Variants in ELOVL6 observed in about 807,000 individuals in gnomAD.
ELOVL6 encodes very long chain fatty acid elongase 6.
Under a neutral mutation model 31.7 loss-of-function variants are expected in ELOVL6, and 8 were observed. The ratio of observed to expected loss-of-function variants is 0.25; its 90% CI spans 0.15 to 0.45. The LOEUF (loss-of-function observed/expected upper bound fraction) is 0.45. Ranked by LOEUF, ELOVL6 falls within the 20% of genes least tolerant of loss-of-function variation. The pLI, the probability that ELOVL6 is intolerant of heterozygous loss-of-function variation, is 1.00. For missense variants in ELOVL6, 126 were observed against 326.4 expected (o/e 0.39, Z 4.73); for synonymous variants, 101 against 117.7 (o/e 0.86, Z 0.92).
intron 3 of ELOVL6, among the ~76,000 whole-genome samples, chr4:110,059,274 A>G (rs759993327): frequency 3.3e-5 from 5 of 152,128 alleles, no homozygotes; most frequent in Non-Finnish European, 7.3e-5. Flanking sequence ...TTCTTCCCCC[A>G]TGTTTTAATA....
intron 2 of ELOVL6, among the ~76,000 whole-genome samples, chr4:110,091,720 A>G (rs779611858): frequency 1.3e-5 from 2 of 151,922 alleles, no homozygotes; most frequent in African/African-American, 2.4e-5. Flanking sequence ...TGCTAAGTCA[A>G]TGGTGCTCAT....
upstream of ELOVL6, chr4:110,198,623 C>A: frequency 2.9e-6 from 1 of 350,638 alleles, no homozygotes; most frequent in Non-Finnish European, 5.2e-6. Context: ...AGTGCCCGCA[C>A]GTTTGTCCAT....
At chr4:110,079,867 G>C (rs1755776752) in intron 2 of ELOVL6, among the ~76,000 whole-genome samples, 1 of 152,036 alleles carries the variant, frequency 6.6e-6, no homozygotes, top group African/African-American at 2.4e-5. Context: ...GAAGAAAAGA[G>C]AGAAGAATCA....
At chr4:110,159,490 AAC>A (rs1362257288) in intron 1 of ELOVL6, among the ~76,000 whole-genome samples, 1 of 152,074 alleles carries the variant, frequency 6.6e-6, no homozygotes, top group East Asian at 1.9e-4. Flanking sequence ...AAAGTCAAGT[AAC>A]ACAGGGAGTT....
chr4:110,191,903 C>G (rs577552862), intron 1 of ELOVL6, among the ~76,000 whole-genome samples: 1 of 152,052 alleles, frequency 6.6e-6, no homozygotes, highest in East Asian at 1.9e-4. Context: ...CTGAAAGATT[C>G]CTCTGGCCGG....
At chr4:110,198,062 C>T in intron 1 of ELOVL6, 185 bp downstream of exon 1, 1 of 610,182 alleles carries the variant, frequency 1.6e-6, no homozygotes, top group Non-Finnish European at 2.9e-6. Flanking sequence ...CCACAGACCT[C>T]GCGCTTCATG....
intron 1 of ELOVL6, among the ~76,000 whole-genome samples, chr4:110,145,296 C>T (rs1437227977): frequency 1.3e-5 from 2 of 152,052 alleles, no homozygotes; most frequent in East Asian, 1.9e-4. Flanking sequence ...TGCACTGTTT[C>T]CCAGCCACTC....
chr4:110,095,256 C>T (rs1262966090), intron 2 of ELOVL6, among the ~76,000 whole-genome samples: 2 of 152,012 alleles, frequency 1.3e-5, no homozygotes, highest in Non-Finnish European at 2.9e-5. Context: ...TTGAGGTGGG[C>T]AGATCACCTG....
At chr4:110,088,232 A>T (rs56211927) in intron 2 of ELOVL6, among the ~76,000 whole-genome samples, 20,258 of 152,172 alleles carry the variant, frequency 0.13, 1,421 homozygotes, top group African/African-American at 0.15. Context: ...ATTGTAGCTT[A>T]TACATTTTCC....
chr4:110,191,261 T>C (rs1222872880), intron 1 of ELOVL6, among the ~76,000 whole-genome samples: 1 of 152,192 alleles, frequency 6.6e-6, no homozygotes, highest in Non-Finnish European at 1.5e-5. Flanking sequence ...TGAATACATG[T>C]ACAATCAGAA....
At chr4:110,180,830 G>A (rs1231866746) in intron 1 of ELOVL6, among the ~76,000 whole-genome samples, 2 of 152,174 alleles carry the variant, frequency 1.3e-5, no homozygotes, top group African/African-American at 4.8e-5. Flanking sequence ...GCTGTTTATA[G>A]AGATTTTTAA....
intron 1 of ELOVL6, among the ~76,000 whole-genome samples, chr4:110,194,449 T>G (rs1759714304): frequency 6.6e-6 from 1 of 152,268 alleles, no homozygotes; most frequent in African/African-American, 2.4e-5. Flanking sequence ...CTTATTACTT[T>G]GCATTTCAAT....
intron 2 of ELOVL6, among the ~76,000 whole-genome samples, chr4:110,062,356 A>T (rs958304301): frequency 3.3e-5 from 5 of 152,238 alleles, no homozygotes; most frequent in African/African-American, 1.2e-4. Flanking sequence ...GGAAACCGTC[A>T]GTGCCAGCCA....
chr4:110,095,461 G>A (rs1578477244), intron 2 of ELOVL6, among the ~76,000 whole-genome samples: 1 of 143,768 alleles, frequency 7.0e-6, no homozygotes, highest in Admixed American at 7.0e-5. Flanking sequence ...CAGCCTGGGT[G>A]AAAGGGCGAA....
upstream of ELOVL6, chr4:110,198,681 T>G (rs529430973): frequency 4.6e-6 from 1 of 217,424 alleles, no homozygotes; most frequent in East Asian, 1.1e-4. Flanking sequence ...CTCGTGCGAT[T>G]TGAGAAATTA....
At chr4:110,130,100 G>A (rs552628253) in intron 1 of ELOVL6, among the ~76,000 whole-genome samples, 1 of 152,072 alleles carries the variant, frequency 6.6e-6, no homozygotes, top group South Asian at 2.1e-4. Flanking sequence ...GTTTCACCAT[G>A]TTGGCCAGGA....
At chr4:110,154,152 C>T (rs891429586) in intron 1 of ELOVL6, among the ~76,000 whole-genome samples, 3 of 152,188 alleles carry the variant, frequency 2.0e-5, no homozygotes, top group Non-Finnish European at 4.4e-5. Context: ...TCATGGCTCA[C>T]CACAGCCTTC....
intron 2 of ELOVL6, among the ~76,000 whole-genome samples, chr4:110,100,582 A>T (rs1313616354): frequency 6.6e-6 from 1 of 152,212 alleles, no homozygotes; most frequent in East Asian, 1.9e-4. Context: ...GAAATTAAGC[A>T]TAACTGGGTC....
At chr4:110,177,556 G>T (rs1759146226) in intron 1 of ELOVL6, among the ~76,000 whole-genome samples, 1 of 152,016 alleles carries the variant, frequency 6.6e-6, no homozygotes, top group Non-Finnish European at 1.5e-5. Flanking sequence ...AAATAAAAAG[G>T]CTCCCATGCC....
Sources: gnomAD v4.1 joint callset for allele counts (sites outside exome capture counted in the v4.1 genomes callset) on GRCh38, gnomAD v4.1.1 for gene constraint, MANE v1.5 for transcripts, NCBI Gene and HGNC (gene_info 2026-07-23, HGNC 2026-07-21) for gene names.